COL24A1: variants seen among roughly 807,000 people sequenced by gnomAD.
The protein encoded by COL24A1 is collagen alpha-1(XXIV) chain.
COL24A1 carries 224 observed loss-of-function variants against 253.9 expected under a neutral mutation model. That is an observed-to-expected ratio of 0.88 (90% confidence interval 0.79 to 0.99). The LOEUF is 0.99. COL24A1 is among the 50% of genes least tolerant of loss of function. The pLI is 0.00. For missense variants in COL24A1, 2,131 were observed against 2,068.5 expected (o/e 1.03, Z -0.59); for synonymous variants, 685 against 673.7 (o/e 1.02, Z -0.26).
intron 24 of COL24A1, among the ~76,000 whole-genome samples, chr1:85,955,708 G>T (rs1459873633): frequency 6.6e-6 from 1 of 152,176 alleles, no homozygotes; most frequent in Non-Finnish European, 1.5e-5. Flanking sequence ...GAAAAAATTG[G>T]AAATAAAATA....
intron 3 of COL24A1, among the ~76,000 whole-genome samples, chr1:86,122,676 T>C (rs1647561629): frequency 6.6e-6 from 1 of 152,046 alleles, no homozygotes; most frequent in Non-Finnish European, 1.5e-5. Flanking sequence ...TCCTTTTTGC[T>C]TGGTCCCTAG....
chr1:85,961,385 C>A (rs906151916), intron 23 of COL24A1, 92 bp from the exon 24 acceptor site: 4 of 1,004,470 alleles, frequency 4.0e-6, no homozygotes, highest in Non-Finnish European at 6.1e-6. Context: ...ATGTAATTAT[C>A]TAGTCATAAC....
chr1:85,927,343 C>A (rs376661053), intron 24 of COL24A1, among the ~76,000 whole-genome samples: 3,155 of 151,912 alleles, frequency 0.021, 103 homozygotes, highest in African/African-American at 0.071. Flanking sequence ...AAAATCGGGT[C>A]ACTCCCACCC....
At chr1:85,873,989 G>T (rs11161695) in intron 35 of COL24A1, among the ~76,000 whole-genome samples, 56,843 of 151,830 alleles carry the variant, frequency 0.37, 11,702 homozygotes, top group East Asian at 0.58. Context: ...ATTTATAGTT[G>T]CTCCATCTTT....
At chr1:86,007,229 C>T (rs943321386) in intron 19 of COL24A1, among the ~76,000 whole-genome samples, 6 of 151,926 alleles carry the variant, frequency 3.9e-5, no homozygotes, top group Non-Finnish European at 5.9e-5. Flanking sequence ...AACAAACAAA[C>T]AAACAAACCC....
intron 37 of COL24A1, among the ~76,000 whole-genome samples, chr1:85,865,264 T>G (rs1445612968): frequency 2.0e-5 from 3 of 152,136 alleles, no homozygotes; most frequent in African/African-American, 7.2e-5. Flanking sequence ...ATTTTTAAAG[T>G]GCAAAAATAA....
chr1:85,835,426 G>A (rs943670622), intron 43 of COL24A1, among the ~76,000 whole-genome samples: 4 of 152,022 alleles, frequency 2.6e-5, no homozygotes, highest in South Asian at 2.1e-4. Context: ...CACTGCACCC[G>A]GCCCAGAGAC....
intron 14 of COL24A1, among the ~76,000 whole-genome samples, chr1:86,025,822 G>A (rs185974924): frequency 6.6e-6 from 1 of 151,962 alleles, no homozygotes; most frequent in Non-Finnish European, 1.5e-5. Context: ...CATCTTCTGT[G>A]TATTTGAACA....
At chr1:86,054,165 T>C (rs1360637893) in intron 10 of COL24A1, among the ~76,000 whole-genome samples, 1 of 152,110 alleles carries the variant, frequency 6.6e-6, no homozygotes, top group Non-Finnish European at 1.5e-5. Flanking sequence ...AATTAAAGAC[T>C]TAGTATGTAA....
intron 5 of COL24A1, among the ~76,000 whole-genome samples, chr1:86,107,634 A>G (rs941491977): frequency 6.6e-6 from 1 of 151,870 alleles, no homozygotes; most frequent in Admixed American, 6.6e-5. Flanking sequence ...TCCCGGGTTC[A>G]CGCCATTCTC....
chr1:85,852,111 T>C lies in COL24A1; in HGVS notation c.3301-2705A>G, dbSNP rs1200038325. Among the ~76,000 whole-genome samples, 4 of 152,350 alleles carry C rather than the reference T, an allele frequency of 2.6e-5. No homozygotes were observed. The South Asian group carries it at 6.2e-4, about 24-fold the overall frequency. ...TTTGCGGGGTGTGTGTTTGTGTGTGTGCGCGCACGTGCGCATTTGTGTGAG... is the reference window on the plus strand; with the variant it reads ...TTTGCGGGGTGTGTGTTTGTGTGTGCGCGCGCACGTGCGCATTTGTGTGAG... On this transcript the variant is annotated intron_variant, in intron 37 of 59. Coordinates refer to ENST00000370571, the MANE Select transcript of COL24A1 (RefSeq NM_152890.7).
At chr1:86,133,568 G>C (rs533931508) in intron 2 of COL24A1, among the ~76,000 whole-genome samples, 1 of 152,262 alleles carries the variant, frequency 6.6e-6, no homozygotes, top group Non-Finnish European at 1.5e-5. Context: ...AAGCGCTGTT[G>C]AATTTTGGCA....
intron 24 of COL24A1, among the ~76,000 whole-genome samples, chr1:85,912,279 T>C (rs917441617): frequency 1.3e-5 from 2 of 152,176 alleles, no homozygotes; most frequent in African/African-American, 4.8e-5. Flanking sequence ...TGAACACGTC[T>C]CAGGGTTTTT....
intron 7 of COL24A1, among the ~76,000 whole-genome samples, chr1:86,072,965 T>C (rs1701979751): frequency 6.6e-6 from 1 of 152,048 alleles, no homozygotes. Flanking sequence ...AAAAACTCCA[T>C]CTGAAGGTCA....
intron 2 of COL24A1, among the ~76,000 whole-genome samples, chr1:86,143,112 TA>T (rs1002372176): frequency 2.6e-5 from 4 of 152,260 alleles, no homozygotes; most frequent in African/African-American, 9.6e-5. Flanking sequence ...TGGAATGTTG[TA>T]AAAAATGCAC....
intron 14 of COL24A1, among the ~76,000 whole-genome samples, chr1:86,026,707 T>C (rs1698061589): frequency 6.6e-6 from 1 of 152,188 alleles, no homozygotes; most frequent in South Asian, 2.1e-4. Context: ...CTGCAGAGAA[T>C]GGTTGCTGCT....
At chr1:85,999,823 T>A (rs1205059417) in intron 19 of COL24A1, among the ~76,000 whole-genome samples, 1 of 152,144 alleles carries the variant, frequency 6.6e-6, no homozygotes, top group East Asian at 1.9e-4. Flanking sequence ...CTTTGGTTGG[T>A]TCACCTGGGA....
chr1:85,892,419 A>G (rs1683227083), intron 31 of COL24A1, among the ~76,000 whole-genome samples: 1 of 152,088 alleles, frequency 6.6e-6, no homozygotes, highest in Non-Finnish European at 1.5e-5. Context: ...TTTTATAAAC[A>G]AAAACTAAGA....
chr1:85,967,632 G>C (rs1691695728), intron 22 of COL24A1, among the ~76,000 whole-genome samples: 1 of 152,120 alleles, frequency 6.6e-6, no homozygotes, highest in Non-Finnish European at 1.5e-5. Flanking sequence ...AGATCACTGG[G>C]GGAGAGCAAG....
Sources: allele counts gnomAD v4.1 joint callset (sites outside exome capture counted in the v4.1 genomes callset), GRCh38; gene constraint gnomAD v4.1.1; transcripts MANE v1.5; gene names NCBI Gene and HGNC (gene_info 2026-07-23, HGNC 2026-07-21).